The following PHTF2 variants were observed in gnomAD, a reference collection of about 807,000 sequenced individuals.
The protein encoded by PHTF2 is putative homeodomain transcription factor 2.
PHTF2 carries 60 observed loss-of-function variants against 101.2 expected under a neutral mutation model. The ratio of observed to expected loss-of-function variants is 0.59; its 90% CI spans 0.48 to 0.73. The LOEUF (loss-of-function observed/expected upper bound fraction) is 0.73, where lower values mean the gene tolerates loss of function less well. Among genes scored for constraint, PHTF2 ranks in the 30% least tolerant of loss-of-function variants. The pLI, the probability that PHTF2 is intolerant of heterozygous loss-of-function variation, is 0.00. For missense variants in PHTF2, 747 were observed against 908.7 expected (o/e 0.82, Z 2.29); for synonymous variants, 311 against 307.3 (o/e 1.01, Z -0.13).
Position 77,882,131 on chromosome 7 carries a change from G to A in PHTF2, c.148-11477G>A, listed in dbSNP as rs562311168. ...TTTTTGGGGATTCATGCAGAGAATC[G>A]TGTCATTTTAGATGATGTTGGGAAT... On this transcript the variant is annotated intron_variant, in intron 3 of 19. Transcript: ENST00000416283. 9.9e-5 allele frequency among the ~76,000 whole-genome samples: 15 copies of A among 152,212 alleles called. 1 individual carries two copies. The highest frequency in any genetic ancestry group is 2.4e-4 in the African/African-American group (10 of 41,544).
chr7:77,901,372 C>A (rs959306572), intron 6 of PHTF2, among the ~76,000 whole-genome samples: 1 of 152,084 alleles, frequency 6.6e-6, no homozygotes, highest in Admixed American at 6.5e-5. Flanking sequence ...CCTATAATCC[C>A]AGCACTTTGG....
At chr7:77,805,674 G>A (rs959681037) in intron 1 of PHTF2, among the ~76,000 whole-genome samples, 5 of 152,268 alleles carry the variant, frequency 3.3e-5, no homozygotes, top group Admixed American at 3.3e-4. Context: ...TTATTTAGAA[G>A]TATGTAGATG....
At chr7:77,892,137 C>T (rs1009981948) in intron 3 of PHTF2, among the ~76,000 whole-genome samples, 1 of 152,056 alleles carries the variant, frequency 6.6e-6, no homozygotes, top group Admixed American at 6.5e-5. Flanking sequence ...ATTAGCCAGG[C>T]GTGTTAACCA....
Position 77,940,239 on chromosome 7 carries a change from T to A in PHTF2, c.1677T>A (p.Val559=), listed in dbSNP as rs1306223106. Residue 559 remains valine, a synonymous_variant, in exon 14 of 20, where the codon GTT becomes GTA. Transcript: ENST00000416283. Reference sequence around the variant, plus strand: ...CTATGGTTATAATAAGTTTTGTGGTTCGCGTGTCTCTTGTGTGGATTTTCT... The same window carrying A: ...CTATGGTTATAATAAGTTTTGTGGTACGCGTGTCTCTTGTGTGGATTTTCT... 3 of 1,613,880 alleles carry A rather than the reference T, an allele frequency of 1.9e-6. No homozygotes were observed. The Admixed American group carries it at 5.0e-5, about 27-fold the overall frequency.
At position 77,922,753 on chromosome 7, in the gene PHTF2, A is replaced by G. The variant is rs752955673; in HGVS notation, c.1094A>G (p.His365Arg). 5 of 1,602,454 alleles carry G rather than the reference A, an allele frequency of 3.1e-6. No individual in the cohort carries two copies. In the African/African-American group the frequency reaches 4.0e-5, roughly 13 times the overall value. ...GTTCTTCGGAATAGAAAGTCACACC[A>G]TTATAAGAAACATTACCCTAATGAG... The change falls in exon 11 of 20, where the codon CAT becomes CGT. Residue 365 changes from histidine to arginine, a missense_variant. Transcript: ENST00000416283.
At chr7:77,802,954 C>T (rs1792674312) in intron 1 of PHTF2, among the ~76,000 whole-genome samples, 1 of 152,170 alleles carries the variant, frequency 6.6e-6, no homozygotes, top group Non-Finnish European at 1.5e-5. Context: ...CACTTGATGA[C>T]CAGAATCATA....
At chr7:77,913,404 AG>A (rs1206736476) in intron 9 of PHTF2, among the ~76,000 whole-genome samples, 2 of 151,476 alleles carry the variant, frequency 1.3e-5, no homozygotes, top group African/African-American at 4.9e-5. Context: ...AAAAAAAAAA[AG>A]ATAGAAATCA....
chr7:77,848,281 C>T (rs115289058), intron 2 of PHTF2, among the ~76,000 whole-genome samples: 3,014 of 152,238 alleles, frequency 0.02, 83 homozygotes, highest in African/African-American at 0.068. Flanking sequence ...AAGGAACCTC[C>T]GTACTGTTCT....
intron 1 of PHTF2, among the ~76,000 whole-genome samples, chr7:77,831,059 A>G (rs948266864): frequency 2.6e-5 from 4 of 152,244 alleles, no homozygotes; most frequent in African/African-American, 9.6e-5. Flanking sequence ...GAAAACACCA[A>G]GAGTCCCACT....
intron 12 of PHTF2, among the ~76,000 whole-genome samples, chr7:77,933,812 C>T (rs550911084): frequency 6.0e-4 from 79 of 131,082 alleles, no homozygotes; most frequent in African/African-American, 2.1e-3. Context: ...TAAATTTTTT[C>T]AAAACATGCC....
At chr7:77,902,375 C>T (rs1801476111) in intron 7 of PHTF2, among the ~76,000 whole-genome samples, 1 of 152,118 alleles carries the variant, frequency 6.6e-6, no homozygotes, top group African/African-American at 2.4e-5. Context: ...ATTCTCATTT[C>T]ATTCTCACAT....
intron 3 of PHTF2, among the ~76,000 whole-genome samples, chr7:77,882,613 C>G (rs536003126): frequency 4.1e-4 from 62 of 152,062 alleles, no homozygotes; most frequent in African/African-American, 1.4e-3. Flanking sequence ...AAGGTCTTCC[C>G]GAAATAACAC....
chr7:77,927,662 C>G (rs1325655383), intron 11 of PHTF2, among the ~76,000 whole-genome samples: 1 of 152,164 alleles, frequency 6.6e-6, no homozygotes, highest in East Asian at 1.9e-4. Flanking sequence ...TTTAAGGTAG[C>G]ATTTGTTGAG....
intron 3 of PHTF2, among the ~76,000 whole-genome samples, chr7:77,875,612 C>T (rs1000646773): frequency 1.1e-4 from 17 of 151,744 alleles, no homozygotes; most frequent in African/African-American, 3.6e-4. Flanking sequence ...GGCTGGAGTG[C>T]GGTGGCACCA....
intron 2 of PHTF2, among the ~76,000 whole-genome samples, chr7:77,852,335 T>C (rs1584490104): frequency 6.6e-6 from 1 of 152,336 alleles, no homozygotes; most frequent in African/African-American, 2.4e-5. Flanking sequence ...CTACTAAAAA[T>C]AGAAAAATTA....
chr7:77,824,527 G>A (rs1318389666), intron 1 of PHTF2, among the ~76,000 whole-genome samples: 1 of 152,052 alleles, frequency 6.6e-6, no homozygotes, highest in Non-Finnish European at 1.5e-5. Flanking sequence ...CTGGGTTCAG[G>A]CAATTCTCCT....
chr7:77,868,218 A>G (rs1798223503), intron 3 of PHTF2, among the ~76,000 whole-genome samples: 1 of 151,802 alleles, frequency 6.6e-6, no homozygotes. Context: ...TCATAGCTCA[A>G]TGCAGCCTCC....
chr7:77,932,617 AGAGAGTGTGTGTGTGTGTGT>A (rs1804701335), intron 12 of PHTF2, among the ~76,000 whole-genome samples: 1 of 124,876 alleles, frequency 8.0e-6, no homozygotes, highest in African/African-American at 3.1e-5. Context: ...AGAGAGAGAG[AGAGAGTGTGTGTGTGTGTGT>A]GTGTGTGTGT....
At chr7:77,878,514 C>T (rs1455047602) in intron 3 of PHTF2, among the ~76,000 whole-genome samples, 1 of 152,094 alleles carries the variant, frequency 6.6e-6, no homozygotes, top group African/African-American at 2.4e-5. Flanking sequence ...TACATGACTC[C>T]TGAGCCATAA....
Sources: allele counts gnomAD v4.1 joint callset (sites outside exome capture counted in the v4.1 genomes callset), GRCh38; gene constraint gnomAD v4.1.1; transcripts MANE v1.5; gene names NCBI Gene and HGNC (gene_info 2026-07-23, HGNC 2026-07-21).